The following IL1RAPL1 variants were observed in gnomAD, a reference collection of about 807,000 sequenced individuals.
IL1RAPL1 encodes the protein interleukin 1 receptor accessory protein like 1.
IL1RAPL1 carries 3 observed loss-of-function variants against 48.4 expected under a neutral mutation model. The ratio of observed to expected loss-of-function variants is 0.06; its 90% confidence interval spans 0.03 to 0.16. The LOEUF is 0.16. Among genes scored for constraint, IL1RAPL1 ranks in the 10% least tolerant of loss-of-function variants. IL1RAPL1 has a pLI of 1.00. For synonymous variants in IL1RAPL1, 185 were observed against 187.7 expected (o/e 0.99, Z 0.12); for missense variants, 349 against 530.6 (o/e 0.66, Z 3.36).
chrX:29,298,875 T>A (rs1402705996), intron 3 of IL1RAPL1, among the ~76,000 whole-genome samples: 3 of 111,344 alleles, frequency 2.7e-5, no homozygotes, highest in African/African-American at 9.8e-5. Flanking sequence ...CTTGTGATGG[T>A]TAATACTGAG....
intron 5 of IL1RAPL1, among the ~76,000 whole-genome samples, chrX:29,632,028 C>T (rs2147079943): frequency 9.0e-6 from 1 of 111,677 alleles, no homozygotes; most frequent in South Asian, 3.7e-4. Flanking sequence ...CCTTTCTCAC[C>T]TTACTGTGAC....
intron 5 of IL1RAPL1, among the ~76,000 whole-genome samples, chrX:29,607,138 T>C (rs760622062): frequency 3.6e-5 from 4 of 111,645 alleles, no homozygotes; most frequent in Admixed American, 2.9e-4. Flanking sequence ...TTCACTTTCG[T>C]AGTCGGGTAC....
intron 6 of IL1RAPL1, among the ~76,000 whole-genome samples, chrX:29,793,556 C>T (rs920259660): frequency 3.6e-5 from 4 of 111,937 alleles, no homozygotes; most frequent in African/African-American, 1.3e-4. Context: ...AAGACAACTG[C>T]TTTGGTGATA....
In IL1RAPL1 at chrX:29,281,760, G is replaced by A. The variant is rs766593064; in HGVS notation, c.83-1178G>A. Among the ~76,000 whole-genome samples, 11 of 112,244 alleles carry A rather than the reference G, an allele frequency of 9.8e-5. No homozygotes were observed. The South Asian group carries it at 3.3e-3, about 34-fold the overall frequency. The stretch of plus-strand genomic sequence containing the variant: ...ACAAATAATTATTAAATGTAACAGG[G>A]GATTATAGTAATGAAGGGATTGGCT... On this transcript the variant is annotated intron_variant, in intron 2 of 10. Coordinates refer to ENST00000378993, the MANE Select transcript of IL1RAPL1 (RefSeq NM_014271.4).
intron 2 of IL1RAPL1, among the ~76,000 whole-genome samples, chrX:29,212,962 G>A (rs1234248406): frequency 9.0e-6 from 1 of 111,526 alleles, no homozygotes; most frequent in Non-Finnish European, 1.9e-5. Context: ...AACCTGTGTT[G>A]TCCGAGAGTC....
chrX:29,480,291 CAT>C (rs61703733), intron 5 of IL1RAPL1, among the ~76,000 whole-genome samples: 1,946 of 76,507 alleles, frequency 0.025, 16 homozygotes, highest in East Asian at 0.044. Flanking sequence ...CACACATATA[CAT>C]ATATATATAT....
chrX:29,333,796 C>CG (rs2052846311), intron 3 of IL1RAPL1, among the ~76,000 whole-genome samples: 3 of 33,533 alleles, frequency 8.9e-5, no homozygotes, highest in Non-Finnish European at 1.9e-4. Flanking sequence ...GGCGGCTGGC[C>CG]GACCCCCCCC....
rs545285013 is a variant in IL1RAPL1, at chrX:28,681,618, C to T, written c.-25+93571C>T. ...AGCAAGGTAACTACAATGAAAGATA[C>T]TTGGAATTTGTTAAGAGGGTAGACC... On this transcript the variant is annotated intron_variant, in intron 1 of 10. Coordinates refer to ENST00000378993, the MANE Select transcript of IL1RAPL1 (RefSeq NM_014271.4). Among the ~76,000 whole-genome samples, 3 of 111,519 alleles carry T rather than the reference C, an allele frequency of 2.7e-5. 1 individual carries two copies. The highest frequency in any genetic ancestry group is 5.7e-4 in the East Asian group (2 of 3,539).
At chrX:28,906,641 A>G (rs1331084517) in intron 2 of IL1RAPL1, among the ~76,000 whole-genome samples, 1 of 112,393 alleles carries the variant, frequency 8.9e-6, no homozygotes, top group Admixed American at 9.4e-5. Flanking sequence ...AAAAATTAAT[A>G]TCTTCTCACT....
intron 2 of IL1RAPL1, among the ~76,000 whole-genome samples, chrX:28,800,367 G>A (rs1027053359): frequency 3.6e-5 from 4 of 111,960 alleles, no homozygotes; most frequent in African/African-American, 1.3e-4. Context: ...TCTTTTGGGG[G>A]ACCACTGTTC....
chrX:29,906,310 G>C lies in IL1RAPL1; in HGVS notation c.779-11154G>C, dbSNP rs1393585807. Among the ~76,000 whole-genome samples the C allele has an allele frequency of 4.1e-5, 4 of 98,546 alleles. No homozygotes were observed. The East Asian group carries it at 1.3e-3, about 31-fold the overall frequency. 85.6% of individuals were successfully genotyped at this position (98,546 alleles called of 115,157 possible). On this transcript the variant is annotated intron_variant, in intron 6 of 10. Transcript: ENST00000378993. ...AGATCGCGCCACTGCACTCCAGCCT[G>C]GGTGATAGAGCGAGACTCTGTCTCA...
At position 29,566,823 on chromosome X, in the gene IL1RAPL1, C is replaced by T. The variant is rs762787328; in HGVS notation, c.704-101607C>T. Among the ~76,000 whole-genome samples the T allele has an allele frequency of 2.7e-5, 3 of 110,920 alleles. No individual in the cohort carries two copies. In the East Asian group the frequency reaches 8.4e-4, roughly 31 times the overall value. ...TAAATATTTTATCAGGATAATTATACCAAAAAAAGTAGTTTTAAAAAACAG... is the reference window on the plus strand; with the variant it reads ...TAAATATTTTATCAGGATAATTATATCAAAAAAAGTAGTTTTAAAAAACAG... On this transcript the variant is annotated intron_variant, in intron 5 of 10. Transcript: ENST00000378993.
chrX:29,798,682 C>G (rs149884129), intron 6 of IL1RAPL1, among the ~76,000 whole-genome samples: 2 of 112,004 alleles, frequency 1.8e-5, no homozygotes, highest in East Asian at 5.6e-4. Flanking sequence ...TTTAACTGCG[C>G]TAAGAATGAC....
intron 2 of IL1RAPL1, among the ~76,000 whole-genome samples, chrX:29,053,297 A>G (rs1403343691): frequency 3.6e-5 from 4 of 111,932 alleles, no homozygotes. Flanking sequence ...ATTTAGGTTG[A>G]TTCCACATCT....
intron 2 of IL1RAPL1, among the ~76,000 whole-genome samples, chrX:29,042,922 T>A (rs1191434291): frequency 8.9e-6 from 1 of 112,131 alleles, no homozygotes; most frequent in Non-Finnish European, 1.9e-5. Flanking sequence ...GGAAAGTGTA[T>A]ATAGATTTTT....
intron 5 of IL1RAPL1, among the ~76,000 whole-genome samples, chrX:29,629,113 A>G (rs1323160673): frequency 8.9e-6 from 1 of 112,121 alleles, no homozygotes; most frequent in East Asian, 2.8e-4. Context: ...TATTTCCTGG[A>G]CCTGGCATAT....
intron 3 of IL1RAPL1, among the ~76,000 whole-genome samples, chrX:29,332,095 C>CTTTTTTTTTTTT (rs72360733): frequency 7.2e-5 from 2 of 27,888 alleles, no homozygotes; most frequent in Non-Finnish European, 6.6e-5. Flanking sequence ...ATTCTAAGGT[C>CTTTTTTTTTTTT]TTTTTTTTTT....
intron 5 of IL1RAPL1, among the ~76,000 whole-genome samples, chrX:29,643,761 G>T (rs987260318): frequency 1.8e-5 from 2 of 111,210 alleles, no homozygotes; most frequent in African/African-American, 6.6e-5. Flanking sequence ...CTTTATTCAT[G>T]CTGCTCCCTC....
chrX:29,781,593 A>G (rs1929337226), intron 6 of IL1RAPL1, among the ~76,000 whole-genome samples: 1 of 112,195 alleles, frequency 8.9e-6, no homozygotes, highest in Non-Finnish European at 1.9e-5. Flanking sequence ...ATAATATAGT[A>G]TGCCAGCAAA....
Sources: allele counts gnomAD v4.1 joint callset (sites outside exome capture counted in the v4.1 genomes callset), GRCh38; gene constraint gnomAD v4.1.1; transcripts MANE v1.5; gene names NCBI Gene and HGNC (gene_info 2026-07-23, HGNC 2026-07-21).